The following GRM5 variants were observed in gnomAD, a reference collection of about 807,000 sequenced individuals.
GRM5 encodes metabotropic glutamate receptor 5.
In GRM5, 19 loss-of-function variants were observed where a neutral mutation model predicts 83.1. The ratio of observed to expected loss-of-function variants is 0.23; its 90% CI spans 0.16 to 0.34. GRM5 has a LOEUF of 0.34. Among genes scored for constraint, GRM5 ranks in the 10% least tolerant of loss-of-function variants. The pLI is 1.00. For missense variants in GRM5, 1,160 were observed against 1,588.3 expected (o/e 0.73, Z 4.58); for synonymous variants, 675 against 633.6 (o/e 1.07, Z -0.98).
chr11:88,950,460 T>C (rs562930287), intron 2 of GRM5, among the ~76,000 whole-genome samples: 1 of 152,146 alleles, frequency 6.6e-6, no homozygotes, highest in Admixed American at 6.5e-5. Context: ...TTTTAGTTTT[T>C]GTTTTCACTC....
chr11:88,664,345 G>T (rs1168024313), intron 3 of GRM5, among the ~76,000 whole-genome samples: 1 of 151,548 alleles, frequency 6.6e-6, no homozygotes, highest in East Asian at 1.9e-4. Context: ...AAAAAAAATG[G>T]ATGGTTGTGT....
At chr11:88,617,976 C>T (rs1402918561) in intron 4 of GRM5, among the ~76,000 whole-genome samples, 1 of 152,130 alleles carries the variant, frequency 6.6e-6, no homozygotes, top group Non-Finnish European at 1.5e-5. Flanking sequence ...CTCTTAGTTT[C>T]CCCCTAAGTT....
chr11:88,859,577 A>G (rs2135549543), intron 2 of GRM5, among the ~76,000 whole-genome samples: 1 of 152,256 alleles, frequency 6.6e-6, no homozygotes, highest in South Asian at 2.1e-4. Flanking sequence ...TGCTGAAACA[A>G]TTTGCCAAAT....
intron 2 of GRM5, among the ~76,000 whole-genome samples, chr11:88,856,678 CTT>C (rs1462971490): frequency 6.6e-6 from 1 of 151,922 alleles, no homozygotes; most frequent in East Asian, 1.9e-4. Context: ...TGTGCGGTAT[CTT>C]TGTACAACGG....
At chr11:89,028,461 A>G (rs1383440801) in intron 2 of GRM5, among the ~76,000 whole-genome samples, 1 of 152,088 alleles carries the variant, frequency 6.6e-6, no homozygotes, top group African/African-American at 2.4e-5. Flanking sequence ...GGTGGTGTGC[A>G]CCTGTAGTTC....
chr11:88,972,340 G>C (rs1939190724), intron 2 of GRM5, among the ~76,000 whole-genome samples: 1 of 152,066 alleles, frequency 6.6e-6, no homozygotes, highest in South Asian at 2.1e-4. Flanking sequence ...TAGTCTATAA[G>C]AGAGAGCACT....
At position 89,020,859 on chromosome 11, in the gene GRM5, G is replaced by T. The variant is rs1271755614; in HGVS notation, c.661+26353C>A. Among the ~76,000 whole-genome samples, 3 of 152,148 alleles carry T rather than the reference G, an allele frequency of 2.0e-5. No homozygotes were observed. The East Asian group carries it at 5.8e-4, about 29-fold the overall frequency. On this transcript the variant is annotated intron_variant, in intron 2 of 9. Coordinates refer to ENST00000305447, the MANE Select transcript of GRM5 (RefSeq NM_001143831.3). The stretch of plus-strand genomic sequence containing the variant: ...AAATATCCTTCCATGTAATCACAAT[G>T]AATCTTATTTGGCAGGAAAAAGAAA...
chr11:88,642,856 T>G (rs7931568), intron 4 of GRM5, among the ~76,000 whole-genome samples: 125,209 of 152,026 alleles, frequency 0.82, 54,074 homozygotes, highest in Non-Finnish European at 0.97. Flanking sequence ...ATCACTATCA[T>G]CATTTTGGTC....
chr11:88,910,778 G>C (rs1333851037), intron 2 of GRM5, among the ~76,000 whole-genome samples: 5 of 151,564 alleles, frequency 3.3e-5, no homozygotes, highest in Admixed American at 3.3e-4. Flanking sequence ...TAGGTGAAAT[G>C]TCTATTCACG....
intron 2 of GRM5, among the ~76,000 whole-genome samples, chr11:88,951,484 T>G (rs1004334545): frequency 2.6e-5 from 4 of 152,214 alleles, no homozygotes; most frequent in Non-Finnish European, 4.4e-5. Flanking sequence ...TGTTGGACGG[T>G]AAGAGCTGAT....
chr11:88,658,405 G>A (rs1002534502), intron 3 of GRM5, among the ~76,000 whole-genome samples: 3 of 152,124 alleles, frequency 2.0e-5, no homozygotes, highest in Non-Finnish European at 4.4e-5. Flanking sequence ...AGGCATCCAT[G>A]GTTTTTCCCA....
chr11:88,532,415 T>C (rs577575915), intron 8 of GRM5, among the ~76,000 whole-genome samples: 9 of 152,294 alleles, frequency 5.9e-5, no homozygotes, highest in Admixed American at 5.9e-4. Flanking sequence ...ATTTGAACTA[T>C]AGTCATATGA....
rs1193774504 is a variant in GRM5 at position 88,919,134 on chromosome 11, C to T, written c.662-68979G>A. Among the ~76,000 whole-genome samples, 4 of 145,500 alleles carry T rather than the reference C, an allele frequency of 2.7e-5. No homozygotes were observed. The East Asian group carries it at 8.1e-4, about 29-fold the overall frequency. ...CATTAAAACTAAACTCAACAATATGCTGCCTTCAAGAAACACACCTCACCT... is the reference window on the plus strand; with the variant it reads ...CATTAAAACTAAACTCAACAATATGTTGCCTTCAAGAAACACACCTCACCT... On this transcript the variant is annotated intron_variant, in intron 2 of 9. Transcript: ENST00000305447.
chr11:88,889,024 G>C (rs1221378683), intron 2 of GRM5, among the ~76,000 whole-genome samples: 2 of 152,104 alleles, frequency 1.3e-5, no homozygotes, highest in Non-Finnish European at 1.5e-5. Flanking sequence ...TCAGTTTCTG[G>C]GTAATGGCCA....
At chr11:88,784,924 C>T (rs1226266827) in intron 3 of GRM5, among the ~76,000 whole-genome samples, 3 of 152,010 alleles carry the variant, frequency 2.0e-5, no homozygotes, top group African/African-American at 7.2e-5. Flanking sequence ...ATTTACAGCT[C>T]TCTATATGAC....
At chr11:88,612,247 T>C (rs1264120002) in intron 4 of GRM5, among the ~76,000 whole-genome samples, 3 of 149,722 alleles carry the variant, frequency 2.0e-5, no homozygotes, top group African/African-American at 7.5e-5. Context: ...GATAGTTTAC[T>C]GAGAATGATG....
intron 4 of GRM5, among the ~76,000 whole-genome samples, chr11:88,607,417 A>G (rs1402485705): frequency 6.6e-6 from 1 of 152,186 alleles, no homozygotes; most frequent in Non-Finnish European, 1.5e-5. Context: ...CTCAGTATAT[A>G]TCCTCTCCTG....
chr11:88,686,819 A>G (rs1351046283), intron 3 of GRM5, among the ~76,000 whole-genome samples: 1 of 151,818 alleles, frequency 6.6e-6, no homozygotes, highest in East Asian at 1.9e-4. Context: ...GTCATGTGGA[A>G]CCTCCTTTTC....
chr11:88,919,081 C>A (rs1945643430), intron 2 of GRM5, among the ~76,000 whole-genome samples: 2 of 147,936 alleles, frequency 1.4e-5, no homozygotes, highest in South Asian at 4.2e-4. Context: ...GCTAAACACT[C>A]CAATAAAAAA....
Sources: gnomAD v4.1 joint callset for allele counts (sites outside exome capture counted in the v4.1 genomes callset) on GRCh38, gnomAD v4.1.1 for gene constraint, MANE v1.5 for transcripts, NCBI Gene and HGNC (gene_info 2026-07-23, HGNC 2026-07-21) for gene names.